PCDHGA2: variants seen among roughly 807,000 people sequenced by gnomAD.
PCDHGA2 encodes the protein protocadherin gamma-A2.
Under a neutral mutation model 59.2 loss-of-function variants are expected in PCDHGA2, and 40 were observed. The ratio of observed to expected loss-of-function variants is 0.68; its 90% CI spans 0.52 to 0.88. The LOEUF is 0.88. Ranked by LOEUF, PCDHGA2 falls within the 40% of genes least tolerant of loss-of-function variation. The probability of loss-of-function intolerance (pLI) is 0.00; values close to 1 mark genes in which losing one functional copy is unlikely to be tolerated. For synonymous variants in PCDHGA2, 560 were observed against 526.0 expected (o/e 1.06, Z -0.89); for missense variants, 1,226 against 1,204.0 (o/e 1.02, Z -0.27).
chr5:141,388,712 G>A, intron 1 of PCDHGA2: 1 of 1,613,986 alleles, frequency 6.2e-7, no homozygotes. Flanking sequence ...TCAATGCCGA[G>A]ATTACTTTCT....
chr5:141,366,750 AG>A, intron 1 of PCDHGA2: 1 of 1,607,760 alleles, frequency 6.2e-7, no homozygotes, highest in East Asian at 2.2e-5. Flanking sequence ...CGGCGAGTTC[AG>A]GTTAGTTTTC....
intron 1 of PCDHGA2, chr5:141,478,272 A>G: frequency 6.2e-7 from 1 of 1,614,160 alleles, no homozygotes; most frequent in Non-Finnish European, 8.5e-7. Context: ...AAAGTTTACA[A>G]GTGGAAGCAG....
At position 141,384,979 on chromosome 5, in the gene PCDHGA2, G is replaced by C. The variant is rs758247749; in HGVS notation, c.2424+43584G>C. 1.4e-4 allele frequency: 229 copies of C among 1,614,146 alleles called. 1 individual carries two copies. The highest frequency in any genetic ancestry group is 1.5e-5 in the Non-Finnish European group (18 of 1,180,036). On this transcript the variant is annotated intron_variant, in intron 1 of 3. Coordinates refer to ENST00000394576, the MANE Select transcript of PCDHGA2 (RefSeq NM_018915.4). ...CAACTATGACCTCACGTTGTACCTG[G>C]TGGTGGCGGTGGCCACAGTCTCCTG...
At chr5:141,437,652 A>T (rs899628392) in intron 1 of PCDHGA2, among the ~76,000 whole-genome samples, 1 of 152,196 alleles carries the variant, frequency 6.6e-6, no homozygotes, top group African/African-American at 2.4e-5. Context: ...AAGCAAACAC[A>T]TAGTTTCGAA....
chr5:141,422,263 C>T lies in PCDHGA2; in HGVS notation c.2425-72544C>T, dbSNP rs755271863. On this transcript the variant is annotated intron_variant, in intron 1 of 3. Transcript: ENST00000394576. ...TGTTGTGGATGTGAATGATAACGCT[C>T]CAGAAATAACTATCACCTCTTCTAT... is the stretch of plus-strand genomic sequence containing the variant. 1.0e-5 allele frequency: 16 copies of T among 1,563,686 alleles called. No individual in the cohort carries two copies. The South Asian group carries it at 1.7e-4, about 17-fold the overall frequency.
At chr5:141,345,140 C>T (rs1446144250) in intron 1 of PCDHGA2, 4 of 1,613,798 alleles carry the variant, frequency 2.5e-6, no homozygotes, top group Non-Finnish European at 2.5e-6. Flanking sequence ...TTGCTCTTAT[C>T]GACGTGCATG....
intron 1 of PCDHGA2, chr5:141,399,313 A>C: frequency 6.2e-7 from 1 of 1,613,952 alleles, no homozygotes; most frequent in Non-Finnish European, 8.5e-7. Flanking sequence ...TTCATCCAAA[A>C]ATTCGTATAA....
chr5:141,431,020 G>A lies in PCDHGA2; in HGVS notation c.2425-63787G>A, dbSNP rs941765907. On this transcript the variant is annotated intron_variant, in intron 1 of 3. Transcript: ENST00000394576. This position sits in a 1 kb window ranked among gnomAD's most constrained non-coding sequence, Gnocchi z 4.8. ...CGCGCAGCGGCAGCTTGGTCACGGC[G>A]GGCAGGATAGACCGGGAGGAGCTCT... The A allele has an allele frequency of 9.9e-6, 16 of 1,614,050 alleles. No homozygotes were observed. Among genetic ancestry groups the A allele is most frequent in the East Asian group, 4.5e-5 (2 of 44,886 alleles).
At chr5:141,427,115 C>G (rs1276437779) in intron 1 of PCDHGA2, 5 of 457,520 alleles carry the variant, frequency 1.1e-5, no homozygotes, top group African/African-American at 1.0e-4. Flanking sequence ...AGATCACCTA[C>G]TCTTTCAAAT....
At position 141,431,387 on chromosome 5, in the gene PCDHGA2, C is replaced by T; in HGVS notation, c.2425-63420C>T. The T allele has an allele frequency of 1.9e-6, 3 of 1,613,938 alleles. 1 individual carries two copies. The South Asian group carries it at 3.3e-5, about 18-fold the overall frequency. Reference sequence around the variant, plus strand: ...CCGCGAAGAAAAGGCTGCTCACCACCTGGTCCTTACGGCCTCCGACGGGGG... The same window carrying T: ...CCGCGAAGAAAAGGCTGCTCACCACTTGGTCCTTACGGCCTCCGACGGGGG... On this transcript the variant is annotated intron_variant, in intron 1 of 3. Coordinates refer to ENST00000394576, the MANE Select transcript of PCDHGA2 (RefSeq NM_018915.4). This position sits in a 1 kb window ranked among gnomAD's most constrained non-coding sequence, Gnocchi z 4.8.
chr5:141,485,503 C>T lies in PCDHGA2; in HGVS notation c.2425-9304C>T, dbSNP rs1057374827. The T allele has an allele frequency of 5.0e-6, 8 of 1,614,096 alleles. No homozygotes were observed. The highest frequency in any genetic ancestry group is 6.8e-6 in the Non-Finnish European group (8 of 1,180,008). On this transcript the variant is annotated intron_variant, in intron 1 of 3. Coordinates refer to ENST00000394576, the MANE Select transcript of PCDHGA2 (RefSeq NM_018915.4). This position sits in a 1 kb window ranked among gnomAD's most constrained non-coding sequence, Gnocchi z 5.7. ...GCATCGTGCCCCTGGAGTTTGTCAC[C>T]GAAGGTCCTTTGGAAATGTACCGAG...
chr5:141,444,240 C>T (rs1017550385), intron 1 of PCDHGA2, among the ~76,000 whole-genome samples: 4 of 128,690 alleles, frequency 3.1e-5, no homozygotes, highest in African/African-American at 5.9e-5. Context: ...GGCATGCTCT[C>T]GGCTCACTGC....
At chr5:141,406,948 CAT>C (rs777377851) in intron 1 of PCDHGA2, among the ~76,000 whole-genome samples, 2 of 152,096 alleles carry the variant, frequency 1.3e-5, no homozygotes, top group Non-Finnish European at 2.9e-5. Context: ...TTATTTTAAA[CAT>C]AGTGTTGTTT....
At position 141,402,884 on chromosome 5, in the gene PCDHGA2, T is replaced by C. The variant is rs73792196; in HGVS notation, c.2424+61489T>C. Reference sequence around the variant, plus strand: ...GAAAAGATCACCATACTTTGCAGGGTGGAAGAAAGAACCTGATGAAGCAGC... The same window carrying C: ...GAAAAGATCACCATACTTTGCAGGGCGGAAGAAAGAACCTGATGAAGCAGC... On this transcript the variant is annotated intron_variant, in intron 1 of 3. Transcript: ENST00000394576. The C allele has an allele frequency of 1.4e-3, 2,074 of 1,481,580 alleles. 26 individuals carry two copies. The African/African-American group carries it at 0.026, about 18-fold the overall frequency. The allele number at this position is 1,481,580 out of a possible 1,614,324, so 91.8% of individuals were successfully genotyped here.
At chr5:141,394,621 G>C (rs1231814252) in intron 1 of PCDHGA2, 1 of 1,613,408 alleles carries the variant, frequency 6.2e-7, no homozygotes, top group African/African-American at 1.3e-5. Flanking sequence ...CAGAACGCCT[G>C]GCTGTCCTAC....
At chr5:141,435,593 G>A (rs183768133) in intron 1 of PCDHGA2, among the ~76,000 whole-genome samples, 9 of 152,112 alleles carry the variant, frequency 5.9e-5, no homozygotes, top group Admixed American at 2.6e-4. Flanking sequence ...CAGTAATATC[G>A]CCTGCTTTTT....
chr5:141,366,040 C>G (rs752624619), intron 1 of PCDHGA2: 1 of 1,614,264 alleles, frequency 6.2e-7, no homozygotes, highest in Non-Finnish European at 8.5e-7. Context: ...TCCCCACAGA[C>G]GGTTCCACGG....
intron 1 of PCDHGA2, chr5:141,345,503 A>T: frequency 6.2e-7 from 1 of 1,614,120 alleles, no homozygotes; most frequent in Non-Finnish European, 8.5e-7. Context: ...TCACTTATGC[A>T]TTGACCGAGG....
rs375127524 is a variant in PCDHGA2 at position 141,490,702 on chromosome 5, C to T, written c.2425-4105C>T. ...AGATCCAGACACTGGGGATAATGCC[C>T]GCCTCACCTACTCCATTGTAGGAAA... On this transcript the variant is annotated intron_variant, in intron 1 of 3. Coordinates refer to ENST00000394576, the MANE Select transcript of PCDHGA2 (RefSeq NM_018915.4). The surrounding 1 kb of genome is among the most constrained non-coding windows in gnomAD (Gnocchi z 5.4). 36 of 1,614,060 alleles carry T rather than the reference C, an allele frequency of 2.2e-5. No homozygotes were observed. Among genetic ancestry groups the T allele is most frequent in the South Asian group, 7.7e-5 (7 of 91,090 alleles).
Sources: gnomAD v4.1 joint callset for allele counts (sites outside exome capture counted in the v4.1 genomes callset) on GRCh38, gnomAD v4.1.1 for gene constraint, Gnocchi (gnomAD v3.1) non-coding constraint, MANE v1.5 for transcripts, NCBI Gene and HGNC (gene_info 2026-07-23, HGNC 2026-07-21) for gene names.